Variants in LRRC61 observed in about 807,000 individuals in gnomAD.
LRRC61 encodes the protein leucine rich repeat containing 61.
In LRRC61, 9 loss-of-function variants were observed where a neutral mutation model predicts 15.1. The ratio of observed to expected loss-of-function variants is 0.60; its 90% CI spans 0.36 to 1.04. The LOEUF (loss-of-function observed/expected upper bound fraction) is 1.04, where lower values mean the gene tolerates loss of function less well. LRRC61 is among the 50% of genes least tolerant of loss of function. LRRC61 has a pLI of 0.01. For missense variants in LRRC61, 344 were observed against 335.6 expected (o/e 1.03, Z -0.20); for synonymous variants, 173 against 158.6 (o/e 1.09, Z -0.68).
At chr7:150,336,658 C>T (rs1277297206) in intron 2 of LRRC61, 60 bp from the exon 3 acceptor site, 6 of 650,518 alleles carry the variant, frequency 9.2e-6, no homozygotes, top group Non-Finnish European at 1.6e-5. Flanking sequence ...AGACTCCCTG[C>T]CGTCACCTGC....
chr7:150,327,855 A>G (rs1797995333), intron 2 of LRRC61, among the ~76,000 whole-genome samples: 1 of 151,798 alleles, frequency 6.6e-6, no homozygotes, highest in Non-Finnish European at 1.5e-5. Flanking sequence ...CACTTGCGTA[A>G]AAGTTCCTAA....
chr7:150,314,685 G>A, the LRRC61 span, among the ~76,000 whole-genome samples: 1 of 150,028 alleles, frequency 6.7e-6, no homozygotes, highest in East Asian at 2.0e-4. Flanking sequence ...GCTCATGCCT[G>A]TAATCCCAGT....
At chr7:150,310,104 C>T in the LRRC61 span, among the ~76,000 whole-genome samples, 6 of 152,264 alleles carry the variant, frequency 3.9e-5, no homozygotes, top group Admixed American at 2.0e-4. Flanking sequence ...GCCCAGTTCC[C>T]TTATTAGGCT....
At chr7:150,318,227 A>T in the LRRC61 span, among the ~76,000 whole-genome samples, 1 of 152,144 alleles carries the variant, frequency 6.6e-6, no homozygotes. Flanking sequence ...CTGTGCTCAG[A>T]GATCATTATG....
chr7:150,336,644 G>A (rs927003169), intron 2 of LRRC61, 74 bp from the exon 3 acceptor site: 8 of 614,844 alleles, frequency 1.3e-5, no homozygotes, highest in Middle Eastern at 4.3e-4. Context: ...GTAAAAGCAG[G>A]GTCAGACTCC....
chr7:150,315,934 A>G, the LRRC61 span, among the ~76,000 whole-genome samples: 8 of 152,154 alleles, frequency 5.3e-5, no homozygotes, highest in African/African-American at 1.9e-4. Context: ...GCGGTGGCTC[A>G]CGCCTGTAAT....
chr7:150,320,591 C>T (rs539637097), upstream of LRRC61, among the ~76,000 whole-genome samples: 34 of 152,238 alleles, frequency 2.2e-4, no homozygotes, highest in African/African-American at 8.2e-4. Flanking sequence ...GGCAAAACCC[C>T]GTCTCTACTA....
At chr7:150,311,422 C>T in the LRRC61 span, among the ~76,000 whole-genome samples, 1 of 152,180 alleles carries the variant, frequency 6.6e-6, no homozygotes, top group Non-Finnish European at 1.5e-5. Flanking sequence ...ACAAGCTATG[C>T]TCCACTTACC....
rs921239179 is a variant in LRRC61 at position 150,330,069 on chromosome 7, G to A, written c.-145+4059G>A. 12 of 280,732 alleles carry A rather than the reference G, an allele frequency of 4.3e-5. No individual in the cohort carries two copies. Among genetic ancestry groups the A allele is most frequent in the South Asian group, 6.1e-5 (1 of 16,472 alleles). The allele number at this position is 280,732 out of a possible 1,614,324, so 17.4% of individuals were successfully genotyped here. On this transcript the variant is annotated intron_variant, in intron 2 of 2. Coordinates refer to ENST00000359623, the MANE Select transcript of LRRC61 (RefSeq NM_001142928.2). The surrounding 1 kb of genome is among the most constrained non-coding windows in gnomAD (Gnocchi z 4.6). ...CATCCCTTGTTTCGCCCACTGCCTC[G>A]ACTCCCTGGTGAGAAACTTTCTGTG...
Position 150,330,337 on chromosome 7 carries a change from G to T in LRRC61, c.-145+4327G>T, listed in dbSNP as rs1798066932. ...GGCAGGCACCAGCTGGGGAAGGCTG[G>T]TGTTGCCTTGTCGGCCACATTCTGG... On this transcript the variant is annotated intron_variant, in intron 2 of 2. Transcript: ENST00000359623. The surrounding 1 kb of genome is among the most constrained non-coding windows in gnomAD (Gnocchi z 4.6). 1 of 743,466 alleles carries T rather than the reference G, an allele frequency of 1.3e-6. No individual in the cohort carries two copies. 46.1% of individuals were successfully genotyped at this position (743,466 alleles called of 1,614,324 possible).
At chr7:150,315,012 A>G in the LRRC61 span, among the ~76,000 whole-genome samples, 1 of 146,998 alleles carries the variant, frequency 6.8e-6, no homozygotes, top group Non-Finnish European at 1.5e-5. Context: ...ATTATTAAAT[A>G]ATAAAATAAT....
chr7:150,337,264 C>T lies in LRRC61; in HGVS notation c.403C>T (p.Arg135Trp), dbSNP rs781374578. The T allele has an allele frequency of 4.2e-5, 68 of 1,603,430 alleles. No individual in the cohort carries two copies. Among genetic ancestry groups the T allele is most frequent in the South Asian group, 9.9e-5 (9 of 91,064 alleles). Reference protein sequence around the residue: ...EYLRLRDPLARLSNPLCANPS... With the variant: ...EYLRLRDPLAWLSNPLCANPS... ...CCTGCGGCTCCGAGACCCTTTGGCC[C>T]GGCTCAGCAACCCGCTCTGTGCCAA... Residue 135 changes from arginine (R) to tryptophan (W), a missense_variant, in exon 3 of 3, where the codon CGG (arginine) becomes TGG (tryptophan). By Grantham distance (101) the Arg-to-Trp change is moderately radical. Coordinates refer to ENST00000359623, the MANE Select transcript of LRRC61 (RefSeq NM_001142928.2).
upstream of LRRC61, among the ~76,000 whole-genome samples, chr7:150,320,680 T>C (rs544348255): frequency 1.3e-5 from 2 of 152,322 alleles, 1 homozygote; most frequent in South Asian, 4.1e-4. Context: ...GGAGAATCAC[T>C]TGAACCCGGG....
chr7:150,321,093 A>G (rs184888057), upstream of LRRC61, among the ~76,000 whole-genome samples: 2 of 152,102 alleles, frequency 1.3e-5, no homozygotes, highest in African/African-American at 4.8e-5. Context: ...TTCAGCAAAA[A>G]TCCCCTACCC....
At position 150,337,098 on chromosome 7, in the gene LRRC61, G is replaced by A. The variant is rs1288617141; in HGVS notation, c.237G>A (p.Val79=). Residue 79 remains valine, a synonymous_variant, in exon 3 of 3, where the codon GTG becomes GTA. Transcript: ENST00000359623. ...TGGCCTCCTTGCGCCAGCTAGCTGT[G>A]CTCAATGTCTCCAACAATCGGCTGA... ...GPLASLRQLA[V]LNVSNNRLTG... 1 of 1,612,620 alleles carries A rather than the reference G, an allele frequency of 6.2e-7. No individual in the cohort carries two copies. Among genetic ancestry groups the A allele is most frequent in the Non-Finnish European group, 8.5e-7 (1 of 1,179,838 alleles).
At chr7:150,318,939 C>G (rs1797207877), upstream of LRRC61, among the ~76,000 whole-genome samples, 1 of 152,162 alleles carries the variant, frequency 6.6e-6, no homozygotes, top group South Asian at 2.1e-4. Flanking sequence ...CTTCCAGACC[C>G]ACATAATGGG....
chr7:150,323,860 C>CGTGCTCA, intron 1 of LRRC61: 2 of 369,184 alleles, frequency 5.4e-6, no homozygotes, highest in Non-Finnish European at 1.1e-5. Context: ...GGATCACGGC[C>CGTGCTCA]GTGCTCAGAG....
rs1798172821 is a variant in LRRC61, at chr7:150,333,282, C to T, written c.-144-3436C>T. 6.6e-6 allele frequency among the ~76,000 whole-genome samples: 1 copy of T among 152,152 alleles called. No homozygotes were observed. The highest frequency in any genetic ancestry group is 6.5e-5 in the Admixed American group (1 of 15,276). ...CACTTTCATCTAGGCGCAGTTTTGTCCCCCAGTGGACATTGACAATGTCTG... is the reference window on the plus strand; with the variant it reads ...CACTTTCATCTAGGCGCAGTTTTGTTCCCCAGTGGACATTGACAATGTCTG... On this transcript the variant is annotated intron_variant, in intron 2 of 2. Transcript: ENST00000359623. This position sits in a 1 kb window ranked among gnomAD's most constrained non-coding sequence, Gnocchi z 4.3.
Position 150,337,947 on chromosome 7 carries a change from G to T in LRRC61, c.*306G>T. 2.1e-6 allele frequency: 1 copy of T among 478,156 alleles called. No homozygotes were observed. The highest frequency in any genetic ancestry group is 3.9e-6 in the Non-Finnish European group (1 of 257,754). The allele number at this position is 478,156 out of a possible 1,614,324, so 29.6% of individuals were successfully genotyped here. On this transcript the variant is annotated 3_prime_UTR_variant, in exon 3 of 3. Transcript: ENST00000359623. Reference sequence around the variant, plus strand: ...GGAATTACTTCCTCCTGAGGCTACAGGCGAGAAAGGTAGGGATGGGCCAGC... The same window carrying T: ...GGAATTACTTCCTCCTGAGGCTACATGCGAGAAAGGTAGGGATGGGCCAGC...
Sources: gnomAD v4.1 joint callset for allele counts (sites outside exome capture counted in the v4.1 genomes callset) on GRCh38, gnomAD v4.1.1 for gene constraint, Gnocchi (gnomAD v3.1) non-coding constraint, MANE v1.5 for transcripts, NCBI Gene and HGNC (gene_info 2026-07-23, HGNC 2026-07-21) for gene names.